The following TMEM182 variants were observed in gnomAD, a reference collection of about 807,000 sequenced individuals.
The protein encoded by TMEM182 is transmembrane protein 182.
In TMEM182, 20 loss-of-function variants were observed where a neutral mutation model predicts 26.8. The observed-to-expected ratio is 0.75, with a 90% confidence interval of 0.53 to 1.09. The LOEUF is 1.09. TMEM182 is among the 50% of genes least tolerant of loss of function. The pLI is 0.00. For synonymous variants in TMEM182, 109 were observed against 102.2 expected, an observed-to-expected ratio of 1.07 and a Z score of -0.40; for missense variants, 277 against 275.5, an observed-to-expected ratio of 1.01 and a Z score of -0.04.
At position 102,755,834 on chromosome 2, in the gene TMEM182, A is replaced by G. The variant is rs925623253; in HGVS notation, c.-82-2555A>G. ...AACTGATTTGATTGTTGAAGAAAAC[A>G]TTTATTGACTCAATTTGTTCCACAA... On this transcript the variant is annotated intron_variant, in intron 1 of 5. Transcript: ENST00000409173. Among the ~76,000 whole-genome samples, 8 of 152,322 alleles carry G rather than the reference A, an allele frequency of 5.3e-5. No homozygotes were observed. The East Asian group carries it at 1.4e-3, about 26-fold the overall frequency.
intron 3 of TMEM182, among the ~76,000 whole-genome samples, chr2:102,778,713 G>T (rs1176317124): frequency 1.3e-5 from 2 of 148,304 alleles, no homozygotes; most frequent in Non-Finnish European, 3.0e-5. Flanking sequence ...TGTTATTATG[G>T]TCTATCGATG....
chr2:102,799,126 A>G, intron 4 of TMEM182, among the ~76,000 whole-genome samples: 1 of 152,234 alleles, frequency 6.6e-6, no homozygotes, highest in South Asian at 2.1e-4. Flanking sequence ...TATGACTGAG[A>G]CCAAACTGTA....
At chr2:102,777,692 A>T (rs1424401812) in intron 3 of TMEM182, among the ~76,000 whole-genome samples, 3 of 151,582 alleles carry the variant, frequency 2.0e-5, no homozygotes, top group Non-Finnish European at 1.5e-5. Context: ...TACATAGATA[A>T]TCATGTCATT....
chr2:102,764,284 T>G, intron 2 of TMEM182, 45 bp from the exon 3 acceptor site: 2 of 1,581,510 alleles, frequency 1.3e-6, no homozygotes, highest in Non-Finnish European at 1.7e-6. Flanking sequence ...GAGTCATGAC[T>G]GAGCTTTTCA....
chr2:102,771,720 A>G (rs941228179), intron 3 of TMEM182, among the ~76,000 whole-genome samples: 5 of 151,976 alleles, frequency 3.3e-5, no homozygotes, highest in African/African-American at 1.2e-4. Context: ...CACACTTAGA[A>G]GCAGAAATCT....
intron 4 of TMEM182, among the ~76,000 whole-genome samples, chr2:102,808,362 G>C (rs572816081): frequency 1.3e-5 from 2 of 152,268 alleles, no homozygotes; most frequent in African/African-American, 4.8e-5. Context: ...ATTAATGTTT[G>C]AGGAAGACAG....
chr2:102,760,602 G>A (rs1680175815), upstream of TMEM182, among the ~76,000 whole-genome samples: 1 of 151,086 alleles, frequency 6.6e-6, no homozygotes, highest in Non-Finnish European at 1.5e-5. Context: ...TTCTATTCAT[G>A]TTTTTTTTTG....
chr2:102,737,054 T>C, intron 1 of TMEM182: 1 of 520,044 alleles, frequency 1.9e-6, no homozygotes. Flanking sequence ...ATGATGCTCT[T>C]TGTTTCCTCT....
At chr2:102,771,441 G>T (rs917032925) in intron 3 of TMEM182, among the ~76,000 whole-genome samples, 6 of 152,152 alleles carry the variant, frequency 3.9e-5, no homozygotes, top group African/African-American at 1.4e-4. Context: ...CTTGAGGGTA[G>T]AGTTGGCTTG....
chr2:102,773,360 G>A (rs1011899642), intron 3 of TMEM182, among the ~76,000 whole-genome samples: 1 of 151,848 alleles, frequency 6.6e-6, no homozygotes, highest in Non-Finnish European at 1.5e-5. Context: ...CTAAGGGGGT[G>A]GATATAAATA....
chr2:102,823,793 ATTAGT>A lies in TMEM182; in HGVS notation c.326-19611_326-19607del, dbSNP rs1271005268. On this transcript the variant is annotated intron_variant, in intron 3 of 3. Transcript: ENST00000486293. ...GCAATGTCAATAGCACATTCTCAAC[ATTAGT>A]TTAGTTTTGTTCCTATCTGGAAGAA... Among the ~76,000 whole-genome samples the A allele has an allele frequency of 3.9e-5, 6 of 152,230 alleles. 1 individual carries two copies. Among genetic ancestry groups the A allele is most frequent in the Admixed American group, 2.6e-4 (4 of 15,282 alleles).
chr2:102,808,594 A>G (rs1289071587), intron 4 of TMEM182, among the ~76,000 whole-genome samples: 1 of 152,194 alleles, frequency 6.6e-6, no homozygotes. Context: ...AATGTTATCC[A>G]TTATTTCAAA....
chr2:102,754,614 G>T (rs1156389093), intron 1 of TMEM182, among the ~76,000 whole-genome samples: 1 of 152,166 alleles, frequency 6.6e-6, no homozygotes, highest in Admixed American at 6.5e-5. Flanking sequence ...TTAAAAATTT[G>T]TTCTGCATCG....
chr2:102,794,210 A>G (rs1681769929), intron 3 of TMEM182, among the ~76,000 whole-genome samples: 1 of 152,238 alleles, frequency 6.6e-6, no homozygotes, highest in Non-Finnish European at 1.5e-5. Context: ...AGAGACTTCT[A>G]GGAGTTTCAG....
intron 3 of TMEM182, among the ~76,000 whole-genome samples, chr2:102,779,455 C>T (rs1397037909): frequency 6.6e-6 from 1 of 152,068 alleles, no homozygotes; most frequent in Non-Finnish European, 1.5e-5. Context: ...ATTTAGGAGA[C>T]GTGAATGTTA....
intron 1 of TMEM182, chr2:102,737,036 T>C: frequency 1.9e-6 from 1 of 539,770 alleles, no homozygotes; most frequent in Non-Finnish European, 3.2e-6. Context: ...CAGTTTGTGA[T>C]GATAATGATG....
intron 4 of TMEM182, among the ~76,000 whole-genome samples, chr2:102,801,297 A>C (rs1682119442): frequency 6.6e-6 from 1 of 152,174 alleles, no homozygotes; most frequent in Non-Finnish European, 1.5e-5. Context: ...GATTTTATGG[A>C]GTGCACTCAG....
rs534629611 is a variant in TMEM182, at chr2:102,750,807, C to G, written c.-82-7582C>G. On this transcript the variant is annotated intron_variant, in intron 1 of 5. Coordinates refer to the TMEM182 transcript ENST00000409173. ...TGTGATTGTCCTTTTTACCCACCCA[C>G]TGTGTTCACAGTGATGTATGAGTCC... is the stretch of plus-strand genomic sequence containing the variant. Among the ~76,000 whole-genome samples, 23 of 152,310 alleles carry G rather than the reference C, an allele frequency of 1.5e-4. 1 individual carries two copies. The highest frequency in any genetic ancestry group is 1.3e-4 in the Admixed American group (2 of 15,300).
chr2:102,801,570 C>CT (rs1169063603), intron 4 of TMEM182, among the ~76,000 whole-genome samples: 1 of 152,178 alleles, frequency 6.6e-6, no homozygotes, highest in East Asian at 1.9e-4. Context: ...ATAACCGTTG[C>CT]TATGGTGCCC....
Sources: gnomAD v4.1 joint callset for allele counts (sites outside exome capture counted in the v4.1 genomes callset) on GRCh38, gnomAD v4.1.1 for gene constraint, MANE v1.5 for transcripts, NCBI Gene and HGNC (gene_info 2026-07-23, HGNC 2026-07-21) for gene names.